The following SLC6A11 variants were observed in gnomAD, a reference collection of about 807,000 sequenced individuals.
SLC6A11 encodes sodium- and chloride-dependent GABA transporter 3.
Under a neutral mutation model 74.8 loss-of-function variants are expected in SLC6A11, and 25 were observed. The observed-to-expected ratio is 0.33, with a 90% CI of 0.24 to 0.47. The LOEUF (loss-of-function observed/expected upper bound fraction) is 0.47, where lower values mean the gene tolerates loss of function less well. SLC6A11 is among the 20% of genes least tolerant of loss of function. SLC6A11 has a pLI of 1.00. For missense variants in SLC6A11, 574 were observed against 837.0 expected, an observed-to-expected ratio of 0.69 and a Z score of 3.88; for synonymous variants, 330 against 330.2, an observed-to-expected ratio of 1.00 and a Z score of 0.01.
rs150348686 is a variant in SLC6A11 at position 10,929,057 on chromosome 3, C to CT, written c.1234-144dup. 6.1e-3 allele frequency: 4,951 copies of CT among 809,958 alleles called. 192 individuals are homozygous for CT. In the African/African-American group the frequency reaches 0.077, roughly 13 times the overall value. 50.2% of individuals were successfully genotyped at this position (809,958 alleles called of 1,614,324 possible). A position where few individuals can be genotyped will look rare whatever the true frequency, so the allele number is the denominator to read the frequency against. Reference sequence around the variant, plus strand: ...TGGAGCTCCGCTAGTGCTGGGATGACTGTTATCCTCAGGCCCCTCGTCTGC... The same window carrying CT: ...TGGAGCTCCGCTAGTGCTGGGATGACTTGTTATCCTCAGGCCCCTCGTCTGC... On this transcript the variant is annotated intron_variant, in intron 9 of 13. Coordinates refer to ENST00000254488, the MANE Select transcript of SLC6A11 (RefSeq NM_014229.3).
chr3:10,857,956 A>G (rs1217507216), intron 5 of SLC6A11, among the ~76,000 whole-genome samples: 1 of 152,260 alleles, frequency 6.6e-6, no homozygotes, highest in Non-Finnish European at 1.5e-5. Context: ...AGGTGCTGGC[A>G]CCAGCTTGTA....
chr3:10,868,960 C>T (rs925995467), intron 5 of SLC6A11, among the ~76,000 whole-genome samples: 2 of 152,144 alleles, frequency 1.3e-5, no homozygotes, highest in East Asian at 1.9e-4. Context: ...TCTGAATCCC[C>T]TTTTATGTGG....
At chr3:10,893,157 T>G (rs1695127160) in intron 6 of SLC6A11, among the ~76,000 whole-genome samples, 1 of 152,136 alleles carries the variant, frequency 6.6e-6, no homozygotes, top group Non-Finnish European at 1.5e-5. Flanking sequence ...TGTTTGGAGC[T>G]TTAAAGAAAA....
Position 10,870,488 on chromosome 3 carries a change from G to A in SLC6A11, c.757-4473G>A, listed in dbSNP as rs116833034. On this transcript the variant is annotated intron_variant, in intron 5 of 13. Transcript: ENST00000254488. ...AAGAATGCTGTGATCTATTAGTGAT[G>A]TCTGGCAAGGCACAAGAGGGAAGAG... is the stretch of plus-strand genomic sequence containing the variant. Among the ~76,000 whole-genome samples the A allele has an allele frequency of 1.5e-3, 227 of 152,330 alleles. 3 individuals carry two copies. Among genetic ancestry groups the A allele is most frequent in the African/African-American group, 5.1e-3 (213 of 41,578 alleles).
At chr3:10,837,854 G>A (rs1411983392) in intron 4 of SLC6A11, among the ~76,000 whole-genome samples, 1 of 152,204 alleles carries the variant, frequency 6.6e-6, no homozygotes, top group Non-Finnish European at 1.5e-5. Flanking sequence ...GGAGAGTGCA[G>A]GGGACTGTAC....
At chr3:10,894,478 C>T (rs747922243) in intron 6 of SLC6A11, among the ~76,000 whole-genome samples, 3 of 152,212 alleles carry the variant, frequency 2.0e-5, no homozygotes, top group Non-Finnish European at 4.4e-5. Flanking sequence ...CACCTCTCCT[C>T]TTGGTGAAGA....
chr3:10,900,938 G>C (rs1450335219), intron 6 of SLC6A11, among the ~76,000 whole-genome samples: 1 of 152,184 alleles, frequency 6.6e-6, no homozygotes, highest in Non-Finnish European at 1.5e-5. Flanking sequence ...AGAAACAAGT[G>C]GGGGCATAGT....
Position 10,926,221 on chromosome 3 carries a change from G to A in SLC6A11, c.1233+105G>A. 1 of 701,922 alleles carries A rather than the reference G, an allele frequency of 1.4e-6. No homozygotes were observed. The highest frequency in any genetic ancestry group is 2.5e-6 in the Non-Finnish European group (1 of 404,988). The allele number at this position is 701,922 out of a possible 1,614,324, so 43.5% of individuals were successfully genotyped here. ...TCCCCAGGCCCAGCCACTCCCACCT[G>A]GCCCTGGCATCAGGGCCCTGCCCAC... On this transcript the variant is annotated intron_variant, in intron 9 of 13. Transcript: ENST00000254488. This position sits in a 1 kb window ranked among gnomAD's most constrained non-coding sequence, Gnocchi z 5.7.
chr3:10,937,003 G>A lies in SLC6A11; in HGVS notation c.1747-1247G>A, dbSNP rs1695767200. Among the ~76,000 whole-genome samples, 2 of 152,106 alleles carry A rather than the reference G, an allele frequency of 1.3e-5. 1 individual carries two copies. Among genetic ancestry groups the A allele is most frequent in the South Asian group, 4.2e-4 (2 of 4,816 alleles). On this transcript the variant is annotated intron_variant, in intron 13 of 13. Coordinates refer to ENST00000254488, the MANE Select transcript of SLC6A11 (RefSeq NM_014229.3). ...GGCCCTCCTTACCGAGAGTCCTTGT[G>A]CCAGGTAGTCCACAACCCGAGCCTC...
rs994694384 is a variant in SLC6A11 at position 10,915,529 on chromosome 3, C to T, written c.996-2800C>T. On this transcript the variant is annotated intron_variant, in intron 7 of 13. Transcript: ENST00000254488. This position sits in a 1 kb window ranked among gnomAD's most constrained non-coding sequence, Gnocchi z 4.3. The stretch of plus-strand genomic sequence containing the variant: ...CTTAAAAGCCCAGCTCAGTGCCTGC[C>T]GACTTCAAAGCACTGTTACATAAGC... Among the ~76,000 whole-genome samples the T allele has an allele frequency of 1.3e-5, 2 of 152,152 alleles. No homozygotes were observed. The highest frequency in any genetic ancestry group is 6.5e-5 in the Admixed American group (1 of 15,276).
rs146766510 is a variant in SLC6A11 at position 10,827,388 on chromosome 3, G to C, written c.623+3996G>C. Among the ~76,000 whole-genome samples, 741 of 152,282 alleles carry C rather than the reference G, an allele frequency of 4.9e-3. 4 individuals are homozygous for C. The highest frequency in any genetic ancestry group is 6.3e-3 in the Non-Finnish European group (426 of 68,020). On this transcript the variant is annotated intron_variant, in intron 4 of 13. Coordinates refer to ENST00000254488, the MANE Select transcript of SLC6A11 (RefSeq NM_014229.3). ...AGGAATAAGTTCTTCCTTAAATTCA[G>C]CCAAAAGTTGATTTCTGGGGCTTTG...
chr3:10,889,894 A>AG (rs1006483429), intron 6 of SLC6A11, among the ~76,000 whole-genome samples: 15 of 152,132 alleles, frequency 9.9e-5, no homozygotes, highest in African/African-American at 3.4e-4. Context: ...CTCCCATGCC[A>AG]GGGGGGAGAG....
Position 10,819,453 on chromosome 3 carries a change from G to A in SLC6A11, c.257-12G>A, listed in dbSNP as rs1353906684. 6.2e-7 allele frequency: 1 copy of A among 1,601,802 alleles called. No homozygotes were observed. Among genetic ancestry groups the A allele is most frequent in the African/African-American group, 1.4e-5 (1 of 73,864 alleles). On this transcript the variant is annotated splice_polypyrimidine_tract_variant and intron_variant, in intron 1 of 13. Coordinates refer to ENST00000254488, the MANE Select transcript of SLC6A11 (RefSeq NM_014229.3). Reference sequence around the variant, plus strand: ...GGGACAGTTTTCATTTCATTCCTTTGCATCCTTACAGGGGCATTCCTGATT... The same window carrying A: ...GGGACAGTTTTCATTTCATTCCTTTACATCCTTACAGGGGCATTCCTGATT...
rs1695271585 is a variant in SLC6A11 at position 10,903,925 on chromosome 3, C to T, written c.892-8165C>T. 2.0e-5 allele frequency among the ~76,000 whole-genome samples: 3 copies of T among 152,228 alleles called. No homozygotes were observed. In the South Asian group the frequency reaches 6.2e-4, roughly 32 times the overall value. ...AGGTAGGAAAAAGAAGTAAAGCTTT[C>T]TCCCCCAAACATCTAAGAAATTAGA... is the stretch of plus-strand genomic sequence containing the variant. On this transcript the variant is annotated intron_variant, in intron 6 of 13. Coordinates refer to ENST00000254488, the MANE Select transcript of SLC6A11 (RefSeq NM_014229.3).
At chr3:10,906,259 A>C (rs188815808) in intron 6 of SLC6A11, among the ~76,000 whole-genome samples, 27 of 152,314 alleles carry the variant, frequency 1.8e-4, no homozygotes, top group Non-Finnish European at 3.1e-4. Context: ...CAACAGAAAA[A>C]AAAATTATTT....
intron 6 of SLC6A11, among the ~76,000 whole-genome samples, chr3:10,894,748 A>G (rs1166097498): frequency 6.6e-6 from 1 of 152,196 alleles, no homozygotes; most frequent in Non-Finnish European, 1.5e-5. Flanking sequence ...ATAACATGCA[A>G]TACAATCAAT....
At chr3:10,822,734 G>C (rs1343763727) in intron 3 of SLC6A11, among the ~76,000 whole-genome samples, 1 of 152,202 alleles carries the variant, frequency 6.6e-6, no homozygotes, top group Non-Finnish European at 1.5e-5. Flanking sequence ...GAGGCATTCA[G>C]TAAGTCCTTT....
At chr3:10,842,833 T>C (rs1035654113) in intron 4 of SLC6A11, among the ~76,000 whole-genome samples, 2 of 152,160 alleles carry the variant, frequency 1.3e-5, no homozygotes, top group Non-Finnish European at 2.9e-5. Context: ...TGATTTTGTT[T>C]GGGGACCTGC....
chr3:10,910,516 G>C (rs758899464), intron 6 of SLC6A11, among the ~76,000 whole-genome samples: 4 of 152,136 alleles, frequency 2.6e-5, no homozygotes, highest in East Asian at 1.9e-4. Flanking sequence ...AAAGGGTCTG[G>C]GTCAGAAGAT....
Sources: allele counts gnomAD v4.1 joint callset (sites outside exome capture counted in the v4.1 genomes callset), GRCh38; gene constraint gnomAD v4.1.1; non-coding constraint Gnocchi (gnomAD v3.1); transcripts MANE v1.5; gene names NCBI Gene and HGNC (gene_info 2026-07-23, HGNC 2026-07-21).